Variants in FOXP1 observed in about 807,000 individuals in gnomAD.
FOXP1 encodes the protein forkhead box protein P1.
A neutral mutation model predicts 98.2 loss-of-function variants in FOXP1; 15 were observed. The ratio of observed to expected loss-of-function variants is 0.15; its 90% CI spans 0.10 to 0.24. FOXP1 has a LOEUF of 0.24. FOXP1 is among the 10% of genes least tolerant of loss of function. The pLI is 1.00. For missense variants in FOXP1, 633 were observed against 848.5 expected (o/e 0.75, Z 3.15); for synonymous variants, 371 against 314.5 (o/e 1.18, Z -1.90).
chr3:71,162,842 T>C lies in FOXP1; in HGVS notation c.180+35360A>G, dbSNP rs183083654. On this transcript the variant is annotated intron_variant, in intron 6 of 20. Transcript: ENST00000649528. ...ATAGTCTAGCTACTGGGTACTTGAG[T>C]TGAAGGCTGATCTCTTCATTTTTAT... Among the ~76,000 whole-genome samples, 21 of 152,316 alleles carry C rather than the reference T, an allele frequency of 1.4e-4. 1 individual carries two copies. Among genetic ancestry groups the C allele is most frequent in the Admixed American group, 1.1e-3 (17 of 15,306 alleles).
At position 71,258,237 on chromosome 3, in the gene FOXP1, C is replaced by T. The variant is rs543390310; in HGVS notation, c.-12+41583G>A. 1.9e-4 allele frequency among the ~76,000 whole-genome samples: 29 copies of T among 152,200 alleles called. 1 individual carries two copies. Among genetic ancestry groups the T allele is most frequent in the African/African-American group, 7.0e-4 (29 of 41,516 alleles). ...AGCCCAGACAAAAGAGTGAGTCACA[C>T]AGGCTGGGTTCAATTGAAAAGGCTT... On this transcript the variant is annotated intron_variant, in intron 5 of 20. Coordinates refer to ENST00000649528, the MANE Select transcript of FOXP1 (RefSeq NM_001349338.3).
chr3:71,208,494 G>C (rs1005978082), intron 5 of FOXP1, among the ~76,000 whole-genome samples: 10 of 149,890 alleles, frequency 6.7e-5, no homozygotes, highest in African/African-American at 2.0e-4. Context: ...CCAGGGACAA[G>C]TTCCCCTTTT....
intron 3 of FOXP1, among the ~76,000 whole-genome samples, chr3:71,453,152 A>T (rs150660975): frequency 3.0e-4 from 45 of 152,268 alleles, no homozygotes; most frequent in African/African-American, 1.1e-3. Flanking sequence ...CCACAATCCT[A>T]TTCACACTTG....
At chr3:71,519,741 G>A (rs2042842481) in intron 2 of FOXP1, among the ~76,000 whole-genome samples, 1 of 152,234 alleles carries the variant, frequency 6.6e-6, no homozygotes, top group Non-Finnish European at 1.5e-5. Context: ...ATACAAGAAT[G>A]ATATTGTGGT....
At chr3:71,314,799 CTT>C (rs1404780125) in intron 4 of FOXP1, among the ~76,000 whole-genome samples, 1 of 151,778 alleles carries the variant, frequency 6.6e-6, no homozygotes, top group Non-Finnish European at 1.5e-5. Context: ...CCAAAAAAGA[CTT>C]TGGGGAGATG....
intron 14 of FOXP1, among the ~76,000 whole-genome samples, chr3:70,978,547 T>C (rs1471679457): frequency 1.3e-5 from 2 of 152,290 alleles, no homozygotes; most frequent in East Asian, 1.9e-4. Flanking sequence ...AATTAAACTT[T>C]AATAAATGTA....
At chr3:71,288,512 T>C (rs1262473933) in intron 5 of FOXP1, 5 of 152,222 alleles carry the variant, frequency 3.3e-5, no homozygotes, top group Admixed American at 1.3e-4. Context: ...AACTAGTATT[T>C]TACTAATCTA....
At chr3:71,256,672 G>A (rs1328393845) in intron 5 of FOXP1, among the ~76,000 whole-genome samples, 6 of 152,050 alleles carry the variant, frequency 3.9e-5, no homozygotes, top group South Asian at 4.1e-4. Context: ...GTGAGCCACC[G>A]CGCCCGGCCT....
rs565537822 is a variant in FOXP1 at position 71,488,814 on chromosome 3, T to C, written c.-168+4612A>G. Among the ~76,000 whole-genome samples, 13 of 152,366 alleles carry C rather than the reference T, an allele frequency of 8.5e-5. No individual in the cohort carries two copies. In the East Asian group the frequency reaches 2.5e-3, roughly 29 times the overall value. The stretch of plus-strand genomic sequence containing the variant: ...TATTAAATCTAGCCTCTCTTTATGG[T>C]GTGAGTGAAGATCTGTATTTTTACC... On this transcript the variant is annotated intron_variant, in intron 3 of 20. Coordinates refer to ENST00000649528, the MANE Select transcript of FOXP1 (RefSeq NM_001349338.3).
intron 3 of FOXP1, among the ~76,000 whole-genome samples, chr3:71,475,935 C>T (rs967779938): frequency 3.3e-5 from 5 of 151,248 alleles, no homozygotes; most frequent in African/African-American, 1.2e-4. Flanking sequence ...TCATGGAGAT[C>T]CACCAGAATA....
At chr3:70,989,150 T>C (rs1380589157) in intron 13 of FOXP1, among the ~76,000 whole-genome samples, 1 of 152,170 alleles carries the variant, frequency 6.6e-6, no homozygotes, top group Middle Eastern at 3.2e-3. Flanking sequence ...AGTTTATCTA[T>C]TTAAATACAG....
chr3:71,041,450 G>GT lies in FOXP1; in HGVS notation c.746dup (p.His249GlnfsTer46). ...ATGTCGTGGTCAGATCCAAACTGCT[G>GT]TGATTGTTGCCTGTGGTTTCTTCTG... On this transcript the variant is annotated frameshift_variant, in exon 11 of 21. Transcript: ENST00000649528. LOFTEE classifies it high-confidence loss of function. 1 of 1,613,902 alleles carries GT rather than the reference G, an allele frequency of 6.2e-7. No homozygotes were observed.
At chr3:71,050,878 G>T (rs1443852880) in intron 9 of FOXP1, among the ~76,000 whole-genome samples, 2 of 152,206 alleles carry the variant, frequency 1.3e-5, no homozygotes, top group Non-Finnish European at 2.9e-5. Context: ...TTGTGACTTT[G>T]AAGTCAGCTT....
intron 6 of FOXP1, among the ~76,000 whole-genome samples, chr3:71,166,620 C>T (rs1394230304): frequency 6.6e-6 from 1 of 152,138 alleles, no homozygotes; most frequent in Non-Finnish European, 1.5e-5. Context: ...CTCTGTTTCC[C>T]TAATCTGCAT....
At chr3:71,530,518 T>C (rs2043753988) in intron 2 of FOXP1, among the ~76,000 whole-genome samples, 1 of 152,184 alleles carries the variant, frequency 6.6e-6, no homozygotes, top group African/African-American at 2.4e-5. Context: ...AGAAACCCCC[T>C]ACACATTGTG....
intron 6 of FOXP1, among the ~76,000 whole-genome samples, chr3:71,163,664 AAAC>A (rs969437259): frequency 1.4e-4 from 22 of 152,238 alleles, no homozygotes; most frequent in South Asian, 2.1e-4. Flanking sequence ...ACAAGCAGGG[AAAC>A]AACAACAACA....
chr3:71,458,873 A>ACAGCACTGACAGTCACAAAGAACCTT (rs2108527764), intron 3 of FOXP1, among the ~76,000 whole-genome samples: 1 of 152,364 alleles, frequency 6.6e-6, no homozygotes, highest in Non-Finnish European at 1.5e-5. Context: ...GCCAGACTTC[A>ACAGCACTGACAGTCACAAAGAACCTT]CAGCACTGAC....
intron 6 of FOXP1, among the ~76,000 whole-genome samples, chr3:71,132,161 G>C (rs1390786634): frequency 6.6e-6 from 1 of 152,198 alleles, no homozygotes; most frequent in Non-Finnish European, 1.5e-5. Context: ...AGTATCAAAA[G>C]GCACACAGCC....
intron 11 of FOXP1, among the ~76,000 whole-genome samples, chr3:71,040,101 G>GTA (rs1553706173): frequency 2.0e-5 from 3 of 149,978 alleles, no homozygotes; most frequent in Non-Finnish European, 4.4e-5. Flanking sequence ...GTGTGTGTGT[G>GTA]TGTATGTATG....
Sources: allele counts gnomAD v4.1 joint callset (sites outside exome capture counted in the v4.1 genomes callset), GRCh38; gene constraint gnomAD v4.1.1; transcripts MANE v1.5; gene names NCBI Gene and HGNC (gene_info 2026-07-23, HGNC 2026-07-21).